C8orf34: variants seen among roughly 807,000 people sequenced by gnomAD.
C8orf34 encodes uncharacterized protein C8orf34.
C8orf34 carries 65 observed loss-of-function variants against 68.3 expected under a neutral mutation model. That is an observed-to-expected ratio of 0.95 (90% CI 0.78 to 1.17). The LOEUF (loss-of-function observed/expected upper bound fraction) is 1.17, where lower values mean the gene tolerates loss of function less well. Ranked by LOEUF, C8orf34 falls within the 50% of genes most tolerant of loss-of-function variation. The probability of loss-of-function intolerance (pLI) is 0.00; values close to 1 mark genes in which losing one functional copy is unlikely to be tolerated. For missense variants in C8orf34, 664 were observed against 655.4 expected (o/e 1.01, Z -0.14); for synonymous variants, 244 against 241.2 (o/e 1.01, Z -0.11).
At chr8:68,423,782 A>G (rs1810087944) in intron 1 of C8orf34, among the ~76,000 whole-genome samples, 1 of 152,178 alleles carries the variant, frequency 6.6e-6, no homozygotes, top group African/African-American at 2.4e-5. Context: ...ATTGGCTCAC[A>G]GTTCAACATG....
chr8:68,377,256 T>G (rs1807841687), intron 1 of C8orf34, among the ~76,000 whole-genome samples: 1 of 151,956 alleles, frequency 6.6e-6, no homozygotes, highest in Admixed American at 6.6e-5. Flanking sequence ...ATGAGCTGGA[T>G]GTGGTGGCAT....
chr8:68,609,176 AC>A (rs1265091340), intron 7 of C8orf34, among the ~76,000 whole-genome samples: 1 of 151,934 alleles, frequency 6.6e-6, no homozygotes, highest in African/African-American at 2.4e-5. Context: ...TCCATCTCAA[AC>A]AAACAAACAA....
intron 1 of C8orf34, among the ~76,000 whole-genome samples, chr8:68,361,875 G>A (rs1394085985): frequency 2.6e-5 from 4 of 152,144 alleles, no homozygotes; most frequent in African/African-American, 7.2e-5. Flanking sequence ...ACCTTTCCAT[G>A]ATTTCTAAGC....
At chr8:68,777,469 A>C (rs999631068) in intron 11 of C8orf34, among the ~76,000 whole-genome samples, 1 of 152,252 alleles carries the variant, frequency 6.6e-6, no homozygotes, top group Non-Finnish European at 1.5e-5. Context: ...TAAATGCTCA[A>C]TGTGGCAAGA....
intron 10 of C8orf34, among the ~76,000 whole-genome samples, chr8:68,728,330 G>C (rs1038008966): frequency 2.6e-5 from 4 of 152,098 alleles, no homozygotes; most frequent in African/African-American, 9.7e-5. Flanking sequence ...AGCATTTTGG[G>C]CAAAGCCATT....
chr8:68,483,270 G>C lies in C8orf34; in HGVS notation c.737-4753G>C, dbSNP rs560629103. On this transcript the variant is annotated intron_variant, in intron 4 of 13. Coordinates refer to ENST00000518698, the MANE Select transcript of C8orf34 (RefSeq NM_052958.4). Reference sequence around the variant, plus strand: ...TGAAATAAGTTTCTGATACTAATGTGTTTTGTGCTGTGCTGGTTTATGCAA... The same window carrying C: ...TGAAATAAGTTTCTGATACTAATGTCTTTTGTGCTGTGCTGGTTTATGCAA... Among the ~76,000 whole-genome samples, 78 of 152,292 alleles carry C rather than the reference G, an allele frequency of 5.1e-4. 1 individual carries two copies. Among genetic ancestry groups the C allele is most frequent in the Non-Finnish European group, 1.1e-3 (75 of 68,008 alleles).
intron 7 of C8orf34, among the ~76,000 whole-genome samples, chr8:68,623,215 A>G (rs1818438751): frequency 6.6e-6 from 1 of 152,216 alleles, no homozygotes; most frequent in African/African-American, 2.4e-5. Context: ...AGAGTTGCCC[A>G]GTCCTCAGCT....
At chr8:68,654,429 G>A (rs1022717327) in intron 8 of C8orf34, among the ~76,000 whole-genome samples, 1 of 151,926 alleles carries the variant, frequency 6.6e-6, no homozygotes, top group Non-Finnish European at 1.5e-5. Context: ...TCTGCTTTCT[G>A]CCCTTGTTCA....
intron 10 of C8orf34, among the ~76,000 whole-genome samples, chr8:68,748,145 C>G (rs867528091): frequency 1.5e-5 from 2 of 137,504 alleles, no homozygotes; most frequent in Middle Eastern, 7.3e-3. Flanking sequence ...AAAGGATTCC[C>G]TATTTAATAA....
At chr8:68,592,353 G>C (rs917564352) in intron 7 of C8orf34, among the ~76,000 whole-genome samples, 3 of 151,730 alleles carry the variant, frequency 2.0e-5, no homozygotes, top group Non-Finnish European at 4.4e-5. Flanking sequence ...AAAGATCTTG[G>C]GCTTTTTCAT....
At chr8:68,522,857 C>T (rs1295693900) in intron 6 of C8orf34, among the ~76,000 whole-genome samples, 1 of 152,118 alleles carries the variant, frequency 6.6e-6, no homozygotes, top group Non-Finnish European at 1.5e-5. Flanking sequence ...CTGCCCGTCA[C>T]AGAAGAGTTT....
rs554030568 is a variant in C8orf34, at chr8:68,662,746, G to A, written c.1241+22235G>A. Among the ~76,000 whole-genome samples the A allele has an allele frequency of 4.1e-4, 63 of 152,290 alleles. 3 individuals are homozygous for A. In the South Asian group the frequency reaches 0.013, roughly 31 times the overall value. ...GAAATCTGTCTTTAGACAGATAAGG[G>A]AACTTCATAGGAATCCCCTTTTTTT... On this transcript the variant is annotated intron_variant, in intron 8 of 13. Coordinates refer to ENST00000518698, the MANE Select transcript of C8orf34 (RefSeq NM_052958.4).
intron 8 of C8orf34, among the ~76,000 whole-genome samples, chr8:68,694,601 A>C (rs1820774831): frequency 6.6e-6 from 1 of 152,140 alleles, no homozygotes; most frequent in South Asian, 2.1e-4. Context: ...TGATTTAAAT[A>C]CTTTTCCTAT....
chr8:68,715,769 T>C (rs566835766), intron 9 of C8orf34, among the ~76,000 whole-genome samples: 1 of 152,118 alleles, frequency 6.6e-6, no homozygotes, highest in East Asian at 1.9e-4. Flanking sequence ...ATTCCTTAAA[T>C]AACTAAAAGA....
At chr8:68,452,398 T>C (rs1222283457) in intron 3 of C8orf34, among the ~76,000 whole-genome samples, 1 of 151,770 alleles carries the variant, frequency 6.6e-6, no homozygotes, top group Non-Finnish European at 1.5e-5. Flanking sequence ...TCTTCATGTA[T>C]TTACCAAATC....
chr8:68,454,501 A>G (rs1811469102), intron 3 of C8orf34, among the ~76,000 whole-genome samples: 1 of 151,984 alleles, frequency 6.6e-6, no homozygotes, highest in South Asian at 2.1e-4. Flanking sequence ...GGTAGTTTGC[A>G]TGTTTCTAGA....
At chr8:68,629,630 A>G (rs987371719) in intron 7 of C8orf34, among the ~76,000 whole-genome samples, 3 of 152,222 alleles carry the variant, frequency 2.0e-5, no homozygotes, top group Non-Finnish European at 2.9e-5. Flanking sequence ...ACAAATATCA[A>G]TGAATGCCTA....
At chr8:68,810,645 C>CA (rs979449500) in intron 12 of C8orf34, among the ~76,000 whole-genome samples, 5 of 152,112 alleles carry the variant, frequency 3.3e-5, no homozygotes, top group African/African-American at 9.7e-5. Context: ...GGTACGCATA[C>CA]AACTGGAGGG....
At chr8:68,783,416 G>C (rs1260917101) in intron 11 of C8orf34, among the ~76,000 whole-genome samples, 1 of 151,790 alleles carries the variant, frequency 6.6e-6, no homozygotes, top group African/African-American at 2.4e-5. Context: ...TACTCGGGAG[G>C]CTGAGGCAGG....
Sources: gnomAD v4.1 joint callset for allele counts (sites outside exome capture counted in the v4.1 genomes callset) on GRCh38, gnomAD v4.1.1 for gene constraint, MANE v1.5 for transcripts, NCBI Gene and HGNC (gene_info 2026-07-23, HGNC 2026-07-21) for gene names.